DLG1: variants seen among roughly 807,000 people sequenced by gnomAD.
The protein encoded by DLG1 is disks large homolog 1.
DLG1 carries 42 observed loss-of-function variants against 123.4 expected under a neutral mutation model. That is an observed-to-expected ratio of 0.34 (90% confidence interval 0.27 to 0.44). The LOEUF (loss-of-function observed/expected upper bound fraction) is 0.44. DLG1 is among the 20% of genes least tolerant of loss of function. The pLI, the probability that DLG1 is intolerant of heterozygous loss-of-function variation, is 1.00. For synonymous variants in DLG1, 317 were observed against 356.2 expected (o/e 0.89, Z 1.24); for missense variants, 942 against 1,082.6 (o/e 0.87, Z 1.82).
intron 4 of DLG1, among the ~76,000 whole-genome samples, chr3:197,281,460 G>C (rs1489652604): frequency 6.6e-6 from 1 of 152,114 alleles, no homozygotes; most frequent in Non-Finnish European, 1.5e-5. Context: ...GAATTTTGGA[G>C]GGGACACATT....
At chr3:197,210,341 G>A (rs1193535146) in intron 4 of DLG1, among the ~76,000 whole-genome samples, 1 of 143,246 alleles carries the variant, frequency 7.0e-6, no homozygotes, top group Non-Finnish European at 1.6e-5. Context: ...ACAAAGAATT[G>A]AGTATATTAA....
chr3:197,254,804 C>CATGAGATCCACAA (rs1756055135), intron 4 of DLG1, among the ~76,000 whole-genome samples: 1 of 152,174 alleles, frequency 6.6e-6, no homozygotes, highest in Non-Finnish European at 1.5e-5. Flanking sequence ...GTAATCCCAG[C>CATGAGATCCACAA]ACCTTGAGAG....
chr3:197,062,547 C>T (rs1182629579), intron 22 of DLG1, among the ~76,000 whole-genome samples: 1 of 152,140 alleles, frequency 6.6e-6, no homozygotes, highest in African/African-American at 2.4e-5. Context: ...GGGGACCCTA[C>T]AGCTTGGTTC....
intron 4 of DLG1, among the ~76,000 whole-genome samples, chr3:197,254,897 GA>G (rs1356345839): frequency 1.3e-5 from 2 of 151,022 alleles, no homozygotes; most frequent in African/African-American, 4.9e-5. Flanking sequence ...AAAATACAAA[GA>G]AAAAAAAATT....
chr3:197,289,263 C>T (rs1157409459), intron 3 of DLG1, among the ~76,000 whole-genome samples: 1 of 152,112 alleles, frequency 6.6e-6, no homozygotes, highest in African/African-American at 2.4e-5. Context: ...AGTATCAATT[C>T]TCACAAGGGA....
At chr3:197,202,600 A>G (rs1305872458) in intron 4 of DLG1, among the ~76,000 whole-genome samples, 1 of 152,230 alleles carries the variant, frequency 6.6e-6, no homozygotes, top group African/African-American at 2.4e-5. Flanking sequence ...TAAAGCATCT[A>G]CCAGCAATCA....
intron 23 of DLG1, among the ~76,000 whole-genome samples, chr3:197,052,324 G>A (rs1022054429): frequency 9.2e-5 from 14 of 151,678 alleles, no homozygotes; most frequent in African/African-American, 4.8e-5. Context: ...GTGTGGTGGC[G>A]CATGCCTGTA....
chr3:197,180,873 G>A (rs1809901751), intron 5 of DLG1, among the ~76,000 whole-genome samples: 1 of 152,164 alleles, frequency 6.6e-6, no homozygotes, highest in Non-Finnish European at 1.5e-5. Context: ...GGAAGGCCAG[G>A]AGATAACATT....
chr3:197,212,607 G>A (rs1731846416), intron 4 of DLG1, among the ~76,000 whole-genome samples: 1 of 152,144 alleles, frequency 6.6e-6, no homozygotes, highest in African/African-American at 2.4e-5. Flanking sequence ...ATCTTCACAT[G>A]GCATTCTTGC....
At chr3:197,207,151 A>G (rs1728962433) in intron 4 of DLG1, among the ~76,000 whole-genome samples, 1 of 152,208 alleles carries the variant, frequency 6.6e-6, no homozygotes, top group Admixed American at 6.5e-5. Context: ...TCCTTTACGC[A>G]AAGTTTGCTC....
chr3:197,164,660 C>T (rs1019733340), intron 5 of DLG1, among the ~76,000 whole-genome samples: 4 of 150,402 alleles, frequency 2.7e-5, no homozygotes, highest in Non-Finnish European at 3.0e-5. Context: ...CTAGCACTTT[C>T]GGAGGACGCG....
At position 197,153,105 on chromosome 3, in the gene DLG1, T is replaced by C. The variant is rs534505544; in HGVS notation, c.484-3309A>G. Among the ~76,000 whole-genome samples, 32 of 152,356 alleles carry C rather than the reference T, an allele frequency of 2.1e-4. No homozygotes were observed. In the South Asian group the frequency reaches 6.4e-3, roughly 31 times the overall value. On this transcript the variant is annotated intron_variant, in intron 5 of 24. Coordinates refer to ENST00000667157, the MANE Select transcript of DLG1 (RefSeq NM_001366207.1). ...CAATTATGAACAAGTGCTTTACAAG[T>C]GCTTTTCCAATGCAAAACTCACAAA...
chr3:197,099,540 A>C (rs1762368704), intron 14 of DLG1, among the ~76,000 whole-genome samples: 1 of 152,212 alleles, frequency 6.6e-6, no homozygotes, highest in Non-Finnish European at 1.5e-5. Context: ...GACGTATCTG[A>C]ACTGCTGGCT....
intron 5 of DLG1, among the ~76,000 whole-genome samples, chr3:197,166,759 C>T (rs1464807694): frequency 2.0e-5 from 3 of 152,010 alleles, no homozygotes; most frequent in African/African-American, 4.8e-5. Flanking sequence ...GACATGGTGG[C>T]GGGCACCTGT....
At chr3:197,215,759 A>T (rs1268515374) in intron 4 of DLG1, among the ~76,000 whole-genome samples, 5 of 152,204 alleles carry the variant, frequency 3.3e-5, no homozygotes, top group Admixed American at 3.3e-4. Flanking sequence ...ATTGTTTTTT[A>T]AAAAAGCAAG....
At chr3:197,081,214 T>A in intron 16 of DLG1, 97 bp from the exon 17 acceptor site, 1 of 1,151,134 alleles carries the variant, frequency 8.7e-7, no homozygotes, top group Non-Finnish European at 1.2e-6. Flanking sequence ...TGGGCATTTT[T>A]ATACTCTAAA....
At chr3:197,196,154 C>T (rs943025727) in intron 4 of DLG1, among the ~76,000 whole-genome samples, 3 of 107,550 alleles carry the variant, frequency 2.8e-5, no homozygotes, top group African/African-American at 1.1e-4. Context: ...GAAAAATGTA[C>T]GTTTGTAAAT....
At chr3:197,106,400 G>A (rs566457739) in intron 13 of DLG1, among the ~76,000 whole-genome samples, 18 of 151,922 alleles carry the variant, frequency 1.2e-4, no homozygotes, top group Admixed American at 9.2e-4. Context: ...AGAGAGGGAC[G>A]CTCTGTCTCC....
At chr3:197,240,659 G>C (rs74702810) in intron 4 of DLG1, among the ~76,000 whole-genome samples, 6,428 of 151,960 alleles carry the variant, frequency 0.042, 186 homozygotes, top group Non-Finnish European at 0.056. Flanking sequence ...AAATTTATCA[G>C]GAAATTTTAA....
Sources: allele counts gnomAD v4.1 joint callset (sites outside exome capture counted in the v4.1 genomes callset), GRCh38; gene constraint gnomAD v4.1.1; transcripts MANE v1.5; gene names NCBI Gene and HGNC (gene_info 2026-07-23, HGNC 2026-07-21).